Variants in ANKRD30B observed in about 807,000 individuals in gnomAD.
ANKRD30B encodes the protein ankyrin repeat domain 30B, also known as ankyrin repeat domain-containing protein 30B.
ANKRD30B carries 144 observed loss-of-function variants against 202.2 expected under a neutral mutation model. That is an observed-to-expected ratio of 0.71 (90% CI 0.62 to 0.82). The LOEUF (loss-of-function observed/expected upper bound fraction) is 0.82, where lower values mean the gene tolerates loss of function less well. Ranked by LOEUF, ANKRD30B falls within the 40% of genes least tolerant of loss-of-function variation. The pLI is 0.00. For synonymous variants in ANKRD30B, 508 were observed against 561.3 expected (o/e 0.91, Z 1.34); for missense variants, 1,487 against 1,669.1 (o/e 0.89, Z 1.90).
At chr18:14,939,602 G>C in the ANKRD30B span, among the ~76,000 whole-genome samples, 25 of 152,210 alleles carry the variant, frequency 1.6e-4, no homozygotes, top group Non-Finnish European at 2.6e-4. Context: ...TGAAAGCTGT[G>C]TGTGCCCTGG....
At chr18:14,896,603 T>C in the ANKRD30B span, among the ~76,000 whole-genome samples, 3 of 148,256 alleles carry the variant, frequency 2.0e-5, no homozygotes, top group Non-Finnish European at 4.5e-5. Flanking sequence ...ATGGGATTTG[T>C]TATTAATTAC....
chr18:14,757,201 A>T (rs184834430), intron 4 of ANKRD30B, among the ~76,000 whole-genome samples: 1 of 152,340 alleles, frequency 6.6e-6, no homozygotes, highest in African/African-American at 2.4e-5. Flanking sequence ...TAGGCTTTTG[A>T]TTCACACAAG....
chr18:14,830,764 T>C (rs1195983994), intron 33 of ANKRD30B, among the ~76,000 whole-genome samples: 1 of 152,236 alleles, frequency 6.6e-6, no homozygotes, highest in Non-Finnish European at 1.5e-5. Context: ...TTGTGAGGAC[T>C]AATTATACTC....
rs756862640 is a variant in ANKRD30B at position 14,784,379 on chromosome 18, G to A, written c.1599+15G>A. ...CTGCCTTCAAGGTATTTAGTTTTAT[G>A]GTTTCATTTTGAATGACTTATTAAC... On this transcript the variant is annotated intron_variant, in intron 13 of 43. Coordinates refer to ENST00000690538, the MANE Select transcript of ANKRD30B (RefSeq NM_001367607.2). 1.2e-6 allele frequency: 2 copies of A among 1,612,374 alleles called. No homozygotes were observed. Among genetic ancestry groups the A allele is most frequent in the Non-Finnish European group, 1.7e-6 (2 of 1,179,030 alleles).
the ANKRD30B span, among the ~76,000 whole-genome samples, chr18:14,880,488 A>G: frequency 6.6e-6 from 1 of 151,480 alleles, no homozygotes; most frequent in Non-Finnish European, 1.5e-5. Context: ...AATTTTCACA[A>G]TATTGGTTCT....
intron 14 of ANKRD30B, among the ~76,000 whole-genome samples, chr18:14,785,357 A>G (rs1641666460): frequency 6.6e-6 from 1 of 152,212 alleles, no homozygotes; most frequent in Non-Finnish European, 1.5e-5. Flanking sequence ...TTCATCCATA[A>G]AGGACACAAT....
At chr18:14,797,264 G>T (rs1480146090) in intron 18 of ANKRD30B, among the ~76,000 whole-genome samples, 1 of 152,088 alleles carries the variant, frequency 6.6e-6, no homozygotes, top group Admixed American at 6.5e-5. Context: ...CATTCCCAGA[G>T]CTATGAACAT....
chr18:14,756,065 G>C (rs1335492483), intron 4 of ANKRD30B, among the ~76,000 whole-genome samples: 1 of 152,166 alleles, frequency 6.6e-6, no homozygotes, highest in South Asian at 2.1e-4. Context: ...TCCAGCACCT[G>C]TTGTTTCCTG....
intron 1 of ANKRD30B, among the ~76,000 whole-genome samples, chr18:14,748,973 C>T (rs2143610950): frequency 6.6e-6 from 1 of 152,340 alleles, no homozygotes; most frequent in South Asian, 2.1e-4. Context: ...TAAGTACATA[C>T]AGGGTTTTAC....
At chr18:14,824,161 G>A (rs1373100856) in intron 32 of ANKRD30B, among the ~76,000 whole-genome samples, 1 of 149,464 alleles carries the variant, frequency 6.7e-6, no homozygotes, top group Non-Finnish European at 1.5e-5. Context: ...AGTTAGCTCC[G>A]CTTTGATTTC....
intron 10 of ANKRD30B, among the ~76,000 whole-genome samples, chr18:14,779,730 TA>T (rs1967600216): frequency 6.6e-6 from 1 of 152,194 alleles, no homozygotes; most frequent in Non-Finnish European, 1.5e-5. Context: ...TAATACAAAT[TA>T]GTCAATTTTT....
At chr18:14,752,502 T>A in intron 1 of ANKRD30B, 64 bp from the exon 2 acceptor site, 1 of 1,227,756 alleles carries the variant, frequency 8.1e-7, no homozygotes, top group East Asian at 2.4e-5. Flanking sequence ...TACAATTACC[T>A]AAATCGTTGT....
At chr18:14,866,574 G>A in the ANKRD30B span, among the ~76,000 whole-genome samples, 10 of 152,120 alleles carry the variant, frequency 6.6e-5, no homozygotes, top group East Asian at 1.9e-4. Context: ...ACCATGGCTC[G>A]CCTGGTTGCG....
chr18:14,748,299 C>A lies in ANKRD30B; in HGVS notation c.-121C>A. ...TTGGGGCGGGTGCGGGAACTGAAGA[C>A]GGGCGAGTGCGAGCCGGGGGCGGGT... is the stretch of plus-strand genomic sequence containing the variant. On this transcript the variant is annotated 5_prime_UTR_variant, in exon 1 of 44. Coordinates refer to ENST00000690538, the MANE Select transcript of ANKRD30B (RefSeq NM_001367607.2). 1.3e-6 allele frequency: 1 copy of A among 762,498 alleles called. No homozygotes were observed. Among genetic ancestry groups the A allele is most frequent in the Non-Finnish European group, 2.0e-6 (1 of 506,200 alleles). 47.2% of individuals were successfully genotyped at this position (762,498 alleles called of 1,614,324 possible). A position where few individuals can be genotyped will look rare whatever the true frequency, so the allele number is the denominator to read the frequency against.
chr18:14,755,118 G>C (rs1914127938), intron 4 of ANKRD30B, 113 bp downstream of exon 4: 1 of 599,950 alleles, frequency 1.7e-6, no homozygotes, highest in Non-Finnish European at 2.7e-6. Flanking sequence ...TTAGATTATA[G>C]TGAAACATAT....
At chr18:14,776,197 T>G (rs1020733321) in intron 9 of ANKRD30B, among the ~76,000 whole-genome samples, 2 of 152,186 alleles carry the variant, frequency 1.3e-5, no homozygotes, top group Non-Finnish European at 2.9e-5. Context: ...TTTCAATATT[T>G]TGACCTGGAG....
At chr18:14,814,576 T>G (rs888252992) in intron 29 of ANKRD30B, 45 bp from the exon 30 acceptor site, 2 of 1,219,124 alleles carry the variant, frequency 1.6e-6, no homozygotes, top group Non-Finnish European at 2.3e-6. Flanking sequence ...TCTTCATTAT[T>G]GGGATTTCTC....
At chr18:14,847,719 T>A (rs1014115561) in intron 39 of ANKRD30B, among the ~76,000 whole-genome samples, 8 of 151,662 alleles carry the variant, frequency 5.3e-5, no homozygotes, top group African/African-American at 1.7e-4. Flanking sequence ...ATGAGCTGAC[T>A]CCCCACACCT....
chr18:14,822,844 A>T (rs1176960053), intron 32 of ANKRD30B, among the ~76,000 whole-genome samples, 167 bp downstream of exon 32: 1 of 150,990 alleles, frequency 6.6e-6, no homozygotes, highest in African/African-American at 2.4e-5. Context: ...TGCCATTTAC[A>T]AGCGTAAGAT....
Sources: gnomAD v4.1 joint callset for allele counts (sites outside exome capture counted in the v4.1 genomes callset) on GRCh38, gnomAD v4.1.1 for gene constraint, MANE v1.5 for transcripts, NCBI Gene and HGNC (gene_info 2026-07-23, HGNC 2026-07-21) for gene names.